Variants in SMG6 observed in about 807,000 individuals in gnomAD.
SMG6 encodes SMG6 nonsense mediated mRNA decay factor.
Under a neutral mutation model 142.2 loss-of-function variants are expected in SMG6, and 66 were observed. The observed-to-expected ratio is 0.46, with a 90% CI of 0.38 to 0.57. The LOEUF (loss-of-function observed/expected upper bound fraction) is 0.57. Among genes scored for constraint, SMG6 ranks in the 20% least tolerant of loss-of-function variants. SMG6 has a pLI of 0.00. For synonymous variants in SMG6, 779 were observed against 702.4 expected (o/e 1.11, Z -1.72); for missense variants, 1,793 against 1,832.0 (o/e 0.98, Z 0.39).
chr17:2,079,929 G>A (rs1401697619), intron 15 of SMG6, among the ~76,000 whole-genome samples: 1 of 151,838 alleles, frequency 6.6e-6, no homozygotes, highest in East Asian at 1.9e-4. Context: ...ACAGAAATTA[G>A]CTGGGTATGG....
At chr17:2,273,464 G>C (rs1028734375) in intron 8 of SMG6, among the ~76,000 whole-genome samples, 1 of 152,112 alleles carries the variant, frequency 6.6e-6, no homozygotes, top group Non-Finnish European at 1.5e-5. Flanking sequence ...ATTGAGGCCA[G>C]CCTGGCCAAA....
intron 10 of SMG6, among the ~76,000 whole-genome samples, chr17:2,234,258 CTTAATTA>C (rs1466611397): frequency 1.3e-5 from 2 of 151,440 alleles, no homozygotes; most frequent in Admixed American, 6.6e-5. Context: ...ACTTTTAATT[CTTAATTA>C]TTATTATTAT....
At chr17:2,201,985 C>T (rs947860396) in intron 10 of SMG6, among the ~76,000 whole-genome samples, 6 of 151,994 alleles carry the variant, frequency 3.9e-5, no homozygotes, top group African/African-American at 1.5e-4. Flanking sequence ...GATCATGCCG[C>T]TGCACTCCAG....
chr17:2,182,314 T>C (rs2071830398), intron 12 of SMG6, among the ~76,000 whole-genome samples: 2 of 152,168 alleles, frequency 1.3e-5, no homozygotes, highest in Admixed American at 6.5e-5. Flanking sequence ...GTCAGTTCCT[T>C]TGTGTGGCCC....
chr17:2,265,967 C>T, intron 8 of SMG6: 1 of 984,958 alleles, frequency 1.0e-6, no homozygotes, highest in Non-Finnish European at 1.2e-6. Flanking sequence ...CTTCTAATCA[C>T]CTCTCATTCT....
intron 12 of SMG6, among the ~76,000 whole-genome samples, chr17:2,186,077 A>T (rs907252655): frequency 6.6e-6 from 1 of 151,948 alleles, no homozygotes; most frequent in African/African-American, 2.4e-5. Context: ...AAATACAAAA[A>T]ATGAGCCAGG....
Position 2,085,680 on chromosome 17 carries a change from G to A in SMG6, c.3534+45C>T. On this transcript the variant is annotated intron_variant, in intron 14 of 18. Transcript: ENST00000263073. This position sits in a 1 kb window ranked among gnomAD's most constrained non-coding sequence, Gnocchi z 4.1. ...AAGCTGAAGCCACGAGCAGAATGGG[G>A]AGGGGGCCTTCCCTCTGCCACAGCG... 6.4e-7 allele frequency: 1 copy of A among 1,569,466 alleles called. No homozygotes were observed. The highest frequency in any genetic ancestry group is 2.3e-5 in the East Asian group (1 of 44,426).
intron 8 of SMG6, among the ~76,000 whole-genome samples, chr17:2,275,756 G>C (rs2074634917): frequency 6.6e-6 from 1 of 152,206 alleles, no homozygotes; most frequent in African/African-American, 2.4e-5. Context: ...TGGCAACGTG[G>C]ATTTGGAGGG....
chr17:2,091,673 CTTT>C (rs11331439), intron 13 of SMG6, among the ~76,000 whole-genome samples: 1 of 140,362 alleles, frequency 7.1e-6, no homozygotes, highest in Non-Finnish European at 1.5e-5. Context: ...AGTCTTTTTG[CTTT>C]TTTTTTTTTT....
chr17:2,199,753 C>T (rs2072454857), intron 10 of SMG6: 1 of 150,488 alleles, frequency 6.6e-6, no homozygotes, highest in African/African-American at 2.4e-5. Context: ...ACAAAAAATA[C>T]AAAAATTAGC....
At chr17:2,237,119 C>CT (rs35457088) in intron 9 of SMG6, 1 of 148,626 alleles carries the variant, frequency 6.7e-6, no homozygotes. Flanking sequence ...CAAAGTTTCG[C>CT]TTTTTTCGCC....
chr17:2,213,963 T>C (rs999564432), intron 10 of SMG6: 22 of 152,366 alleles, frequency 1.4e-4, no homozygotes, highest in African/African-American at 5.1e-4. Flanking sequence ...CCCTAATTAC[T>C]ACTTTTACTG....
chr17:2,234,064 GAAAAGTAGGGTCTC>G lies in SMG6; in HGVS notation c.2869+2414_2869+2427del, dbSNP rs1170677618. ...TGAGAGTCAGGAGCAGACCAGTCATGAAAAGTAGGGTCTCAAGTACGGGCTTTATTTTTCCATGT... is the reference window on the plus strand; with the variant it reads ...TGAGAGTCAGGAGCAGACCAGTCATGAAGTACGGGCTTTATTTTTCCATGT... On this transcript the variant is annotated intron_variant, in intron 10 of 18. Coordinates refer to ENST00000263073, the MANE Select transcript of SMG6 (RefSeq NM_017575.5). Among the ~76,000 whole-genome samples the G allele has an allele frequency of 2.0e-5, 3 of 152,124 alleles. 1 individual carries two copies. The highest frequency in any genetic ancestry group is 7.2e-5 in the African/African-American group (3 of 41,406).
chr17:2,122,109 T>C (rs1350901825), intron 13 of SMG6, among the ~76,000 whole-genome samples: 3 of 151,980 alleles, frequency 2.0e-5, no homozygotes, highest in South Asian at 2.1e-4. Context: ...GCTAGGATTA[T>C]AGGCATTAAA....
At chr17:2,126,641 G>A (rs918333412) in intron 13 of SMG6, among the ~76,000 whole-genome samples, 18 of 151,632 alleles carry the variant, frequency 1.2e-4, no homozygotes, top group Admixed American at 9.9e-4. Flanking sequence ...ACTTGAACCC[G>A]GGAGGTGGAG....
chr17:2,083,210 T>C (rs997999154), intron 14 of SMG6, among the ~76,000 whole-genome samples: 3 of 152,182 alleles, frequency 2.0e-5, no homozygotes, highest in Non-Finnish European at 4.4e-5. Flanking sequence ...AGGCCCACCC[T>C]AGATCTGTTC....
chr17:2,188,442 T>C lies in SMG6; in HGVS notation c.2943A>G (p.Leu981=), dbSNP rs781027164. 10 of 1,613,792 alleles carry C rather than the reference T, an allele frequency of 6.2e-6. No homozygotes were observed. Among genetic ancestry groups the C allele is most frequent in the African/African-American group, 1.3e-5 (1 of 74,862 alleles). ...AAALGLAMFS[L]LVRRCTCLLK... ...GTAAGCAGGTGCAGCGGCGGACCAGTAGAGAAAACATGGCCAAGCCCAGAG... is the reference window on the plus strand; with the variant it reads ...GTAAGCAGGTGCAGCGGCGGACCAGCAGAGAAAACATGGCCAAGCCCAGAG... Residue 981 remains leucine (L), a synonymous_variant, in exon 11 of 19, where the codon CTA becomes CTG. Coordinates refer to ENST00000263073, the MANE Select transcript of SMG6 (RefSeq NM_017575.5).
At chr17:2,193,701 A>G (rs1278806763) in intron 10 of SMG6, among the ~76,000 whole-genome samples, 1 of 152,234 alleles carries the variant, frequency 6.6e-6, no homozygotes, top group East Asian at 1.9e-4. Context: ...AAGAATACAT[A>G]CCTACTCAAG....
At position 2,172,802 on chromosome 17, in the gene SMG6, C is replaced by A; in HGVS notation, c.3213G>T (p.Val1071=). Residue 1071 remains valine, a synonymous_variant, in exon 13 of 19, where the codon GTG becomes GTT. Coordinates refer to ENST00000263073, the MANE Select transcript of SMG6 (RefSeq NM_017575.5). ...LADFCNILTA[V]NQSEVPLYKD... ...TGTACAGTGGCACCTCAGACTGATT[C>A]ACTGCAGTCAGTATGTTACAGAAAT... is the stretch of plus-strand genomic sequence containing the variant. 1 of 1,614,144 alleles carries A rather than the reference C, an allele frequency of 6.2e-7. No individual in the cohort carries two copies. Among genetic ancestry groups the A allele is most frequent in the Non-Finnish European group, 8.5e-7 (1 of 1,180,024 alleles).
Sources: allele counts gnomAD v4.1 joint callset (sites outside exome capture counted in the v4.1 genomes callset), GRCh38; gene constraint gnomAD v4.1.1; non-coding constraint Gnocchi (gnomAD v3.1); transcripts MANE v1.5; gene names NCBI Gene and HGNC (gene_info 2026-07-23, HGNC 2026-07-21).